Variants in SIPA1L1 observed in about 807,000 individuals in gnomAD.
The protein encoded by SIPA1L1 is signal-induced proliferation-associated 1-like protein 1.
Under a neutral mutation model 162.7 loss-of-function variants are expected in SIPA1L1, and 26 were observed. The observed-to-expected ratio is 0.16, with a 90% CI of 0.12 to 0.22. SIPA1L1 has a LOEUF of 0.22. Ranked by LOEUF, SIPA1L1 falls within the 10% of genes least tolerant of loss-of-function variation. The pLI is 1.00. For synonymous variants in SIPA1L1, 829 were observed against 837.4 expected (o/e 0.99, Z 0.17); for missense variants, 1,874 against 2,241.0 (o/e 0.84, Z 3.31).
intron 2 of SIPA1L1, among the ~76,000 whole-genome samples, chr14:71,493,723 A>G (rs2049484162): frequency 6.6e-6 from 1 of 152,254 alleles, no homozygotes; most frequent in African/African-American, 2.4e-5. Flanking sequence ...AGCTGATACT[A>G]TAAAGTCTAT....
intron 1 of SIPA1L1, 116 bp from the exon 2 acceptor site, chr14:71,321,006 G>T (rs1327623866): frequency 1.3e-5 from 2 of 152,090 alleles, no homozygotes; most frequent in Non-Finnish European, 2.9e-5. Context: ...CGCCTCCCTC[G>T]GGCCCCCCTC....
chr14:71,538,375 A>G (rs747512445), intron 4 of SIPA1L1, among the ~76,000 whole-genome samples: 1 of 152,130 alleles, frequency 6.6e-6, no homozygotes, highest in Non-Finnish European at 1.5e-5. Flanking sequence ...TAGAGGTGGT[A>G]TGGAGCCACA....
intron 16 of SIPA1L1, among the ~76,000 whole-genome samples, chr14:71,707,189 A>G (rs1172476570): frequency 6.6e-6 from 1 of 151,978 alleles, no homozygotes; most frequent in Admixed American, 6.6e-5. Flanking sequence ...AATCTCCAGC[A>G]ATCATCTAGA....
chr14:71,409,442 G>A (rs1396760495), intron 2 of SIPA1L1, among the ~76,000 whole-genome samples: 1 of 152,136 alleles, frequency 6.6e-6, no homozygotes, highest in East Asian at 1.9e-4. Context: ...TATGACATGT[G>A]GTGTGAGGGA....
chr14:71,597,623 T>C (rs1277229216), intron 5 of SIPA1L1, among the ~76,000 whole-genome samples: 1 of 152,154 alleles, frequency 6.6e-6, no homozygotes, highest in Admixed American at 6.5e-5. Context: ...GGCTGCACGA[T>C]AGAAACCCAC....
At chr14:71,610,675 T>G (rs1260437650) in intron 5 of SIPA1L1, among the ~76,000 whole-genome samples, 1 of 152,228 alleles carries the variant, frequency 6.6e-6, no homozygotes, top group East Asian at 1.9e-4. Flanking sequence ...AAAGTTGGAA[T>G]GTATGTCCTT....
chr14:71,490,027 T>C (rs2049110712), intron 2 of SIPA1L1, among the ~76,000 whole-genome samples: 1 of 152,212 alleles, frequency 6.6e-6, no homozygotes, highest in Admixed American at 6.6e-5. Context: ...TTACATAGAA[T>C]GTGTTAAACA....
chr14:71,629,835 A>G (rs144671644), intron 7 of SIPA1L1, among the ~76,000 whole-genome samples: 1 of 152,388 alleles, frequency 6.6e-6, no homozygotes, highest in African/African-American at 2.4e-5. Context: ...TAACTCTGCA[A>G]TAAATATCTC....
chr14:71,357,029 A>G (rs2037342388), intron 2 of SIPA1L1, among the ~76,000 whole-genome samples: 1 of 152,178 alleles, frequency 6.6e-6, no homozygotes, highest in Non-Finnish European at 1.5e-5. Flanking sequence ...GCAGAATTAC[A>G]AATCATGACA....
chr14:71,492,493 C>G (rs1302062513), intron 2 of SIPA1L1, among the ~76,000 whole-genome samples: 1 of 152,104 alleles, frequency 6.6e-6, no homozygotes, highest in Non-Finnish European at 1.5e-5. Flanking sequence ...TCTGTTGAGG[C>G]AGATAGCAGT....
intron 17 of SIPA1L1, among the ~76,000 whole-genome samples, chr14:71,719,449 T>C (rs1189947812): frequency 6.6e-6 from 1 of 152,204 alleles, no homozygotes; most frequent in Non-Finnish European, 1.5e-5. Context: ...GCACTTGATA[T>C]TATAAGTCTT....
chr14:71,497,342 G>T (rs750390277), intron 2 of SIPA1L1, among the ~76,000 whole-genome samples: 4 of 151,994 alleles, frequency 2.6e-5, no homozygotes, highest in Admixed American at 6.6e-5. Flanking sequence ...CACCACACCT[G>T]GCCCATACCG....
At chr14:71,700,650 G>A (rs889685430) in intron 14 of SIPA1L1, among the ~76,000 whole-genome samples, 3 of 152,060 alleles carry the variant, frequency 2.0e-5, no homozygotes, top group African/African-American at 7.2e-5. Context: ...CTTGTGATGG[G>A]GTATGTAAAT....
intron 11 of SIPA1L1, 128 bp from the exon 12 acceptor site, chr14:71,672,220 C>G (rs556788357): frequency 1.2e-6 from 1 of 868,406 alleles, no homozygotes; most frequent in East Asian, 2.6e-5. Context: ...GAGGAAATAA[C>G]CAGACTGCTC....
intron 7 of SIPA1L1, among the ~76,000 whole-genome samples, chr14:71,648,198 GA>G (rs2042333532): frequency 6.6e-6 from 1 of 152,184 alleles, no homozygotes; most frequent in Admixed American, 6.5e-5. Context: ...GCTGAGGAGG[GA>G]GAATCGCTTC....
chr14:71,727,722 C>G (rs949130891), intron 19 of SIPA1L1, among the ~76,000 whole-genome samples: 3 of 152,232 alleles, frequency 2.0e-5, no homozygotes, highest in Admixed American at 6.5e-5. Context: ...AGGCAGCGCT[C>G]CTGGGCAATC....
intron 2 of SIPA1L1, among the ~76,000 whole-genome samples, chr14:71,511,030 G>A (rs2051104428): frequency 6.6e-6 from 1 of 152,122 alleles, no homozygotes; most frequent in South Asian, 2.1e-4. Flanking sequence ...TTAGTTAGTT[G>A]GGGATTATTT....
At chr14:71,607,733 T>C (rs1381152109) in intron 5 of SIPA1L1, among the ~76,000 whole-genome samples, 1 of 152,182 alleles carries the variant, frequency 6.6e-6, no homozygotes, top group African/African-American at 2.4e-5. Flanking sequence ...TTCAGTTTCT[T>C]TAATTAAAAA....
In SIPA1L1 at chr14:71,647,011, T is replaced by C. The variant is rs182750138; in HGVS notation, c.1819-3324T>C. ...TTAGAATGTTCCTGATTACATTTAC[T>C]TAACTTCTGCTTGTCAACATCTCAT... On this transcript the variant is annotated intron_variant, in intron 7 of 23. Transcript: ENST00000381232. Among the ~76,000 whole-genome samples, 14 of 152,274 alleles carry C rather than the reference T, an allele frequency of 9.2e-5. No homozygotes were observed. The East Asian group carries it at 2.1e-3, about 23-fold the overall frequency.
Sources: allele counts gnomAD v4.1 joint callset (sites outside exome capture counted in the v4.1 genomes callset), GRCh38; gene constraint gnomAD v4.1.1; transcripts MANE v1.5; gene names NCBI Gene and HGNC (gene_info 2026-07-23, HGNC 2026-07-21).